The following AGBL4 variants were observed in gnomAD, a reference collection of about 807,000 sequenced individuals.
The protein encoded by AGBL4 is cytosolic carboxypeptidase 6.
AGBL4 carries 58 observed loss-of-function variants against 66.4 expected under a neutral mutation model. The ratio of observed to expected loss-of-function variants is 0.87; its 90% CI spans 0.71 to 1.09. The LOEUF is 1.09. Ranked by LOEUF, AGBL4 falls within the 50% of genes least tolerant of loss-of-function variation. The probability of loss-of-function intolerance (pLI) is 0.00; values close to 1 mark genes in which losing one functional copy is unlikely to be tolerated. For missense variants in AGBL4, 579 were observed against 631.0 expected, an observed-to-expected ratio of 0.92 and a Z score of 0.88; for synonymous variants, 234 against 222.9, an observed-to-expected ratio of 1.05 and a Z score of -0.44.
intron 9 of AGBL4, among the ~76,000 whole-genome samples, chr1:48,592,071 T>A (rs912003530): frequency 1.3e-5 from 2 of 152,240 alleles, no homozygotes; most frequent in Admixed American, 1.3e-4. Flanking sequence ...TCTTCCCTTC[T>A]TATATATCAG....
intron 1 of AGBL4, among the ~76,000 whole-genome samples, chr1:49,900,872 A>G (rs755810499): frequency 2.6e-5 from 4 of 152,238 alleles, no homozygotes; most frequent in Non-Finnish European, 4.4e-5. Flanking sequence ...TAACCTCTGC[A>G]GAGTATTCTG....
At chr1:48,980,626 G>A (rs1301229102) in intron 5 of AGBL4, among the ~76,000 whole-genome samples, 1 of 150,644 alleles carries the variant, frequency 6.6e-6, no homozygotes, top group Non-Finnish European at 1.5e-5. Context: ...CTTGAGCCCA[G>A]GAGTTCAAGG....
intron 6 of AGBL4, among the ~76,000 whole-genome samples, chr1:48,695,317 G>A (rs187724367): frequency 6.6e-6 from 1 of 152,184 alleles, no homozygotes; most frequent in African/African-American, 2.4e-5. Context: ...TGACAAGCAG[G>A]GTTGGGGGAG....
intron 1 of AGBL4, among the ~76,000 whole-genome samples, chr1:50,002,964 T>C (rs114125735): frequency 0.022 from 3,359 of 152,186 alleles, 62 homozygotes; most frequent in Non-Finnish European, 0.034. Flanking sequence ...TAGAAGTTAA[T>C]CAAAGTTAAA....
chr1:49,721,440 A>C (rs1415749199), intron 2 of AGBL4, among the ~76,000 whole-genome samples: 2 of 151,852 alleles, frequency 1.3e-5, no homozygotes, highest in African/African-American at 4.8e-5. Context: ...GCAGGAACCA[A>C]CTCCAGACAC....
chr1:49,976,778 T>C (rs1658591281), intron 1 of AGBL4, among the ~76,000 whole-genome samples: 1 of 152,214 alleles, frequency 6.6e-6, no homozygotes, highest in Admixed American at 6.5e-5. Context: ...AGTTTTAAAA[T>C]ACTGACAGGC....
At chr1:49,842,400 C>A in intron 2 of AGBL4, 1 of 668,808 alleles carries the variant, frequency 1.5e-6, no homozygotes, top group South Asian at 2.3e-5. Flanking sequence ...GAGATGGGAG[C>A]CCTTCAGGGC....
At chr1:49,739,519 G>C (rs894484251) in intron 2 of AGBL4, among the ~76,000 whole-genome samples, 3 of 152,136 alleles carry the variant, frequency 2.0e-5, no homozygotes, top group Non-Finnish European at 4.4e-5. Flanking sequence ...AATCTAGCAA[G>C]GCAGGCCAAC....
chr1:49,861,865 A>G lies in AGBL4; in HGVS notation c.35-10347T>C, dbSNP rs115324311. Among the ~76,000 whole-genome samples, 495 of 152,374 alleles carry G rather than the reference A, an allele frequency of 3.2e-3. 3 individuals carry two copies. The highest frequency in any genetic ancestry group is 0.012 in the African/African-American group (479 of 41,592). ...GTGCCCCCTAAAGCAGATACAGCTTAGATCACAGCACCCAAGTCCTTTTGA... is the reference window on the plus strand; with the variant it reads ...GTGCCCCCTAAAGCAGATACAGCTTGGATCACAGCACCCAAGTCCTTTTGA... On this transcript the variant is annotated intron_variant, in intron 1 of 13. Coordinates refer to ENST00000371839, the MANE Select transcript of AGBL4 (RefSeq NM_032785.4).
chr1:49,188,837 T>C (rs569076579), intron 4 of AGBL4, among the ~76,000 whole-genome samples: 2 of 152,258 alleles, frequency 1.3e-5, no homozygotes, highest in South Asian at 2.1e-4. Flanking sequence ...TGCCGGTTGG[T>C]TTAGAAGGAG....
chr1:49,493,648 A>G (rs1294600827), intron 3 of AGBL4, among the ~76,000 whole-genome samples: 2 of 152,030 alleles, frequency 1.3e-5, no homozygotes, highest in Non-Finnish European at 2.9e-5. Context: ...GGAGAGAACC[A>G]TGTGAGAGGA....
At chr1:48,563,222 A>G (rs1376903435) in intron 11 of AGBL4, among the ~76,000 whole-genome samples, 5 of 152,256 alleles carry the variant, frequency 3.3e-5, no homozygotes. Flanking sequence ...CATCCAATTA[A>G]CACAGCTAAT....
chr1:48,599,715 G>T (rs1046938532), intron 9 of AGBL4, among the ~76,000 whole-genome samples: 4 of 152,200 alleles, frequency 2.6e-5, no homozygotes, highest in Admixed American at 6.5e-5. Context: ...GGAGAAGACT[G>T]GGTTGGAGCC....
intron 4 of AGBL4, among the ~76,000 whole-genome samples, chr1:49,207,536 T>C (rs1326592853): frequency 6.9e-6 from 1 of 144,184 alleles, no homozygotes; most frequent in African/African-American, 2.6e-5. Context: ...TCTTTCTTTT[T>C]CTTTCTTTTC....
At chr1:49,570,177 T>C (rs534754680) in intron 3 of AGBL4, among the ~76,000 whole-genome samples, 3 of 152,212 alleles carry the variant, frequency 2.0e-5, no homozygotes, top group Admixed American at 2.0e-4. Context: ...ATGGAGGTTA[T>C]ACTAATTTTC....
chr1:49,408,828 G>A (rs1244956391), intron 3 of AGBL4, among the ~76,000 whole-genome samples: 2 of 152,174 alleles, frequency 1.3e-5, no homozygotes, highest in East Asian at 1.9e-4. Flanking sequence ...CTCCTCAGCT[G>A]GCAGACAGCC....
intron 1 of AGBL4, among the ~76,000 whole-genome samples, chr1:49,986,675 A>G (rs1659529581): frequency 6.6e-6 from 1 of 152,176 alleles, no homozygotes; most frequent in South Asian, 2.1e-4. Flanking sequence ...ATTCATTTTG[A>G]AAATATTTTA....
intron 5 of AGBL4, among the ~76,000 whole-genome samples, chr1:48,898,588 C>T (rs150251243): frequency 0.028 from 4,219 of 152,204 alleles, 183 homozygotes; most frequent in African/African-American, 0.097. Context: ...GTTCTTGGCA[C>T]CTTTGTTAAA....
At chr1:49,938,163 T>C (rs1296261735) in intron 1 of AGBL4, among the ~76,000 whole-genome samples, 1 of 151,434 alleles carries the variant, frequency 6.6e-6, no homozygotes, top group Admixed American at 6.6e-5. Flanking sequence ...ATAAAGGGGA[T>C]ATCACCACCA....
Sources: gnomAD v4.1 joint callset for allele counts (sites outside exome capture counted in the v4.1 genomes callset) on GRCh38, gnomAD v4.1.1 for gene constraint, MANE v1.5 for transcripts, NCBI Gene and HGNC (gene_info 2026-07-23, HGNC 2026-07-21) for gene names.